Variants in GLI3 observed in about 807,000 individuals in gnomAD.
GLI3 encodes the protein GLI family zinc finger 3.
In GLI3, 20 loss-of-function variants were observed where a neutral mutation model predicts 100.8. The observed-to-expected ratio is 0.20, with a 90% confidence interval of 0.14 to 0.29. GLI3 has a LOEUF of 0.29. GLI3 is among the 10% of genes least tolerant of loss of function. The probability of loss-of-function intolerance (pLI) is 1.00; values close to 1 mark genes in which losing one functional copy is unlikely to be tolerated. For missense variants in GLI3, 2,040 were observed against 2,128.5 expected, an observed-to-expected ratio of 0.96 and a Z score of 0.82; for synonymous variants, 938 against 860.5, an observed-to-expected ratio of 1.09 and a Z score of -1.58.
chr7:42,081,926 T>C (rs1785004647), intron 3 of GLI3, among the ~76,000 whole-genome samples: 1 of 151,988 alleles, frequency 6.6e-6, no homozygotes, highest in Non-Finnish European at 1.5e-5. Flanking sequence ...ACTGAAGTCG[T>C]CTGTACCCTG....
At chr7:42,226,319 T>C (rs979500828) in intron 1 of GLI3, among the ~76,000 whole-genome samples, 1 of 152,186 alleles carries the variant, frequency 6.6e-6, no homozygotes, top group Non-Finnish European at 1.5e-5. Flanking sequence ...CAGAGGGTGC[T>C]AATTAATAGG....
chr7:42,188,416 G>A (rs941938027), intron 2 of GLI3, among the ~76,000 whole-genome samples: 1 of 152,174 alleles, frequency 6.6e-6, no homozygotes, highest in Non-Finnish European at 1.5e-5. Context: ...CCCTTAACAT[G>A]TAACTATTTC....
chr7:42,228,112 G>A (rs1362150301), intron 1 of GLI3, among the ~76,000 whole-genome samples: 1 of 152,068 alleles, frequency 6.6e-6, no homozygotes, highest in Non-Finnish European at 1.5e-5. Context: ...TAGCGGGCGC[G>A]CCGGGCCCGC....
rs1554337075 is a variant in GLI3 at position 42,182,662 on chromosome 7, A to ATATATATGTGTGTG, written c.125-34195_125-34194insCACACACATATATA. Among the ~76,000 whole-genome samples, 10 of 76,714 alleles carry ATATATATGTGTGTG rather than the reference A, an allele frequency of 1.3e-4. No homozygotes were observed. The South Asian group carries it at 3.3e-3, about 25-fold the overall frequency. 50.3% of individuals were successfully genotyped at this position (76,714 alleles called of 152,430 possible). A position where few individuals can be genotyped will look rare whatever the true frequency, so the allele number is the denominator to read the frequency against. ...TGTGTGTGTATATATATATATATATATATATATATATATATATATACACAT... is the reference window on the plus strand; with the variant it reads ...TGTGTGTGTATATATATATATATATATATATATGTGTGTGTATATATATATATATATATACACAT... On this transcript the variant is annotated intron_variant, in intron 2 of 14. Coordinates refer to ENST00000395925, the MANE Select transcript of GLI3 (RefSeq NM_000168.6).
At chr7:42,142,298 T>C (rs1038040236) in intron 3 of GLI3, among the ~76,000 whole-genome samples, 1 of 152,006 alleles carries the variant, frequency 6.6e-6, no homozygotes, top group Non-Finnish European at 1.5e-5. Flanking sequence ...ACCAGAGCAG[T>C]GGCCAATGGG....
chr7:42,069,803 A>G (rs1784750059), intron 4 of GLI3, among the ~76,000 whole-genome samples: 1 of 152,212 alleles, frequency 6.6e-6, no homozygotes. Flanking sequence ...ATAATACTAA[A>G]TAAGGAATGT....
chr7:42,170,621 C>G (rs1212343596), intron 2 of GLI3, among the ~76,000 whole-genome samples: 2 of 151,900 alleles, frequency 1.3e-5, no homozygotes, highest in Non-Finnish European at 2.9e-5. Flanking sequence ...CCAGGATGGT[C>G]TCGACCTCCT....
intron 10 of GLI3, among the ~76,000 whole-genome samples, chr7:42,012,088 C>T (rs566502068): frequency 4.5e-4 from 69 of 152,250 alleles, no homozygotes; most frequent in Non-Finnish European, 8.1e-4. Context: ...CAAGTGTCAG[C>T]GCAATATAAA....
chr7:42,148,815 G>A (rs766287146), intron 2 of GLI3, among the ~76,000 whole-genome samples: 35 of 152,164 alleles, frequency 2.3e-4, no homozygotes, highest in Non-Finnish European at 4.3e-4. Flanking sequence ...CAGGTCCCAC[G>A]TGGAACTGAA....
intron 2 of GLI3, among the ~76,000 whole-genome samples, chr7:42,174,346 T>A (rs1787436680): frequency 6.6e-6 from 1 of 152,216 alleles, no homozygotes; most frequent in Non-Finnish European, 1.5e-5. Flanking sequence ...GAAATTCTAA[T>A]TTCCTGACTT....
At chr7:42,119,582 G>A (rs915993508) in intron 3 of GLI3, among the ~76,000 whole-genome samples, 4 of 152,280 alleles carry the variant, frequency 2.6e-5, no homozygotes, top group Admixed American at 6.5e-5. Context: ...GCATTAAAGA[G>A]CAAAGGTACC....
At chr7:42,003,868 C>CA (rs1485615475) in intron 10 of GLI3, among the ~76,000 whole-genome samples, 1 of 151,828 alleles carries the variant, frequency 6.6e-6, no homozygotes, top group African/African-American at 2.4e-5. Flanking sequence ...CAAAGCAGCA[C>CA]AAAAAATGAA....
At chr7:42,069,651 A>G (rs1030798349) in intron 4 of GLI3, among the ~76,000 whole-genome samples, 1 of 152,226 alleles carries the variant, frequency 6.6e-6, no homozygotes, top group Non-Finnish European at 1.5e-5. Context: ...AAAATAAAGC[A>G]GAGAAAGAAG....
At chr7:42,116,486 AG>A (rs988305573) in intron 3 of GLI3, among the ~76,000 whole-genome samples, 18 of 147,146 alleles carry the variant, frequency 1.2e-4, no homozygotes, top group African/African-American at 4.2e-4. Context: ...ATCTGCAAAA[AG>A]AAAAAAAAAA....
upstream of GLI3, among the ~76,000 whole-genome samples, chr7:42,239,583 A>G (rs541067284): frequency 6.6e-6 from 1 of 152,342 alleles, no homozygotes; most frequent in South Asian, 2.1e-4. Context: ...AAATACAAAG[A>G]AAGACAGCCA....
At chr7:41,969,433 T>C (rs550493357) in intron 13 of GLI3, among the ~76,000 whole-genome samples, 1 of 152,328 alleles carries the variant, frequency 6.6e-6, no homozygotes, top group Admixed American at 6.5e-5. Context: ...TCTGCTATCA[T>C]GGTACATACA....
At chr7:42,094,533 C>T (rs376164312) in intron 3 of GLI3, among the ~76,000 whole-genome samples, 11 of 151,100 alleles carry the variant, frequency 7.3e-5, no homozygotes, top group Admixed American at 5.3e-4. Context: ...GTCAGGAGTT[C>T]GAGACCAGCC....
At chr7:42,112,152 G>A (rs1204424788) in intron 3 of GLI3, among the ~76,000 whole-genome samples, 2 of 152,166 alleles carry the variant, frequency 1.3e-5, no homozygotes, top group Non-Finnish European at 2.9e-5. Flanking sequence ...TAATATCATG[G>A]ACTCTTTCTG....
chr7:42,245,919 GGA>G (rs1476537169), intron 1 of GLI3, among the ~76,000 whole-genome samples: 1 of 143,804 alleles, frequency 7.0e-6, no homozygotes, highest in Non-Finnish European at 1.6e-5. Context: ...AAAAAAAAAA[GGA>G]AACCATGAGG....
Sources: allele counts gnomAD v4.1 joint callset (sites outside exome capture counted in the v4.1 genomes callset), GRCh38; gene constraint gnomAD v4.1.1; transcripts MANE v1.5; gene names NCBI Gene and HGNC (gene_info 2026-07-23, HGNC 2026-07-21).